The following ABCB5 variants were observed in gnomAD, a reference collection of about 807,000 sequenced individuals.
ABCB5 encodes ATP-binding cassette sub-family B member 5.
Under a neutral mutation model 144.2 loss-of-function variants are expected in ABCB5, and 155 were observed. That is an observed-to-expected ratio of 1.08 (90% CI 0.94 to 1.23). The LOEUF (loss-of-function observed/expected upper bound fraction) is 1.23. ABCB5 is among the 50% of genes most tolerant of loss of function. The probability of loss-of-function intolerance (pLI) is 0.00; values close to 1 mark genes in which losing one functional copy is unlikely to be tolerated. For synonymous variants in ABCB5, 610 were observed against 528.6 expected (o/e 1.15, Z -2.11); for missense variants, 1,830 against 1,520.8 (o/e 1.20, Z -3.38).
intron 11 of ABCB5, among the ~76,000 whole-genome samples, chr7:20,648,416 C>T (rs1213304527): frequency 2.0e-5 from 3 of 152,158 alleles, no homozygotes; most frequent in Non-Finnish European, 2.9e-5. Context: ...TTTTAACCCC[C>T]TCCTCTCTAA....
At chr7:20,726,994 A>G in intron 21 of ABCB5, 46 bp from the exon 22 acceptor site, 6 of 1,379,156 alleles carry the variant, frequency 4.4e-6, no homozygotes, top group Non-Finnish European at 6.0e-6. Context: ...GAAAAGATTA[A>G]CCATTACTAA....
intron 20 of ABCB5, among the ~76,000 whole-genome samples, chr7:20,719,382 T>C (rs1299175053): frequency 6.6e-6 from 1 of 152,228 alleles, no homozygotes; most frequent in Non-Finnish European, 1.5e-5. Flanking sequence ...ATTTTAAAAA[T>C]TTATTTTACC....
At chr7:20,689,071 C>A (rs1291705606) in intron 16 of ABCB5, among the ~76,000 whole-genome samples, 2 of 151,998 alleles carry the variant, frequency 1.3e-5, no homozygotes, top group African/African-American at 4.8e-5. Flanking sequence ...ACATATGTAA[C>A]AAACCTGCAC....
At chr7:20,703,806 T>C (rs1451528494) in intron 19 of ABCB5, among the ~76,000 whole-genome samples, 2 of 152,124 alleles carry the variant, frequency 1.3e-5, no homozygotes, top group East Asian at 1.9e-4. Flanking sequence ...GAAAATAAAA[T>C]TGGTTATTAC....
At chr7:20,698,319 A>T in intron 16 of ABCB5, 88 bp from the exon 17 acceptor site, 3 of 1,181,476 alleles carry the variant, frequency 2.5e-6, no homozygotes, top group Non-Finnish European at 3.5e-6. Context: ...GATGTTATAC[A>T]TTATAATTCT....
intron 14 of ABCB5, among the ~76,000 whole-genome samples, chr7:20,672,420 G>A (rs951734846): frequency 1.3e-5 from 2 of 152,048 alleles, no homozygotes; most frequent in East Asian, 1.9e-4. Flanking sequence ...AGGATGAGGG[G>A]AGGGAGAGCA....
At chr7:20,651,663 G>C in intron 13 of ABCB5, 40 bp downstream of exon 13, 1 of 1,588,600 alleles carries the variant, frequency 6.3e-7, no homozygotes, top group Non-Finnish European at 8.6e-7. Flanking sequence ...GCTTATGGTG[G>C]CAGCGCTGCG....
intron 14 of ABCB5, chr7:20,667,415 G>T: frequency 1.0e-6 from 1 of 985,574 alleles, no homozygotes. Context: ...TCTGTGCACA[G>T]AAGGATACAT....
In ABCB5 at chr7:20,735,878, T is replaced by C. The variant is rs151334341; in HGVS notation, c.2868-3105T>C. 5.3e-5 allele frequency among the ~76,000 whole-genome samples: 8 copies of C among 152,360 alleles called. No homozygotes were observed. The East Asian group carries it at 1.2e-3, about 22-fold the overall frequency. ...TAGAGTCTCCTCATTCATTGACTGA[T>C]AAGTTTCCATTCTACTTATCTCCTA... On this transcript the variant is annotated intron_variant, in intron 23 of 27. Transcript: ENST00000404938.
At chr7:20,713,998 A>G (rs1781586104) in intron 20 of ABCB5, among the ~76,000 whole-genome samples, 1 of 152,158 alleles carries the variant, frequency 6.6e-6, no homozygotes, top group South Asian at 2.1e-4. Context: ...GCCACCTGGA[A>G]ACTCTTAAGG....
intron 19 of ABCB5, among the ~76,000 whole-genome samples, chr7:20,701,661 G>A (rs1786632155): frequency 6.6e-6 from 1 of 152,148 alleles, no homozygotes; most frequent in Non-Finnish European, 1.5e-5. Flanking sequence ...AGATACAGTA[G>A]CTTCTGCTAA....
intron 1 of ABCB5, among the ~76,000 whole-genome samples, chr7:20,622,628 C>G (rs1783824752): frequency 6.6e-6 from 1 of 151,960 alleles, no homozygotes; most frequent in Non-Finnish European, 1.5e-5. Context: ...TCTATAGATC[C>G]ATAATAAAAT....
intron 14 of ABCB5, among the ~76,000 whole-genome samples, chr7:20,668,609 C>T (rs1192228238): frequency 2.0e-5 from 3 of 148,334 alleles, no homozygotes; most frequent in Admixed American, 6.7e-5. Flanking sequence ...GGGTCAGCCC[C>T]CCGCCCGGCC....
chr7:20,727,292 G>A (rs1444971699), intron 22 of ABCB5, 152 bp downstream of exon 22: 2 of 523,004 alleles, frequency 3.8e-6, no homozygotes, highest in Non-Finnish European at 6.7e-6. Context: ...ACTTCACCAA[G>A]AGAAACTAGA....
chr7:20,618,251 A>C (rs1352924721), intron 1 of ABCB5, among the ~76,000 whole-genome samples: 2 of 152,038 alleles, frequency 1.3e-5, no homozygotes, highest in African/African-American at 2.4e-5. Context: ...TTTTTTCTCT[A>C]TGGATTTGCC....
At chr7:20,705,515 T>G (rs544319503) in intron 20 of ABCB5, among the ~76,000 whole-genome samples, 1 of 152,316 alleles carries the variant, frequency 6.6e-6, no homozygotes, top group African/African-American at 2.4e-5. Flanking sequence ...CAAGGTTTCC[T>G]ACTTTAAACT....
chr7:20,695,004 T>C (rs1019196588), intron 16 of ABCB5, among the ~76,000 whole-genome samples: 3 of 151,972 alleles, frequency 2.0e-5, no homozygotes, highest in African/African-American at 7.2e-5. Flanking sequence ...AAATTCAGTA[T>C]AGTTAAGATG....
At chr7:20,720,998 C>T (rs927956267) in intron 20 of ABCB5, among the ~76,000 whole-genome samples, 13 of 138,564 alleles carry the variant, frequency 9.4e-5, no homozygotes, top group African/African-American at 3.2e-4. Flanking sequence ...TTAAAGGAGA[C>T]TAAAGAGGCC....
intron 1 of ABCB5, among the ~76,000 whole-genome samples, chr7:20,617,961 A>G (rs575295139): frequency 6.6e-6 from 1 of 152,368 alleles, no homozygotes; most frequent in African/African-American, 2.4e-5. Context: ...GCTCCTAAAT[A>G]AACACTGACA....
Sources: gnomAD v4.1 joint callset for allele counts (sites outside exome capture counted in the v4.1 genomes callset) on GRCh38, gnomAD v4.1.1 for gene constraint, MANE v1.5 for transcripts, NCBI Gene and HGNC (gene_info 2026-07-23, HGNC 2026-07-21) for gene names.